CTXN3: variants seen among roughly 807,000 people sequenced by gnomAD.
CTXN3 encodes the protein cortexin 3.
Under a neutral mutation model 5.0 loss-of-function variants are expected in CTXN3, and 4 were observed. That is an observed-to-expected ratio of 0.79 (90% CI 0.39 to 1.82). The LOEUF is 1.82. CTXN3 is among the 40% of genes most tolerant of loss of function. The pLI is 0.04. For missense variants in CTXN3, 89 were observed against 99.7 expected (o/e 0.89, Z 0.46); for synonymous variants, 48 against 38.6 (o/e 1.24, Z -0.91).
At chr5:127,655,222 C>T (rs550902731) in intron 2 of CTXN3, among the ~76,000 whole-genome samples, 2 of 152,262 alleles carry the variant, frequency 1.3e-5, no homozygotes, top group African/African-American at 4.8e-5. Flanking sequence ...GAGATCGCAC[C>T]ATTGCACTCC....
intron 1 of CTXN3, chr5:127,651,907 G>T (rs1310072324): frequency 6.6e-6 from 1 of 151,998 alleles, no homozygotes; most frequent in Non-Finnish European, 1.5e-5. Context: ...CTGTGAAATT[G>T]TATAATGAGA....
chr5:127,650,359 CT>C (rs1157877516), intron 1 of CTXN3, among the ~76,000 whole-genome samples: 22 of 152,266 alleles, frequency 1.4e-4, no homozygotes, highest in African/African-American at 5.3e-4. Context: ...TGTTCGTAGG[CT>C]TTCTAGTAGA....
rs1483269324 is a variant in CTXN3 at position 127,649,353 on chromosome 5, A to G, written c.-242A>G. On this transcript the variant is annotated 5_prime_UTR_variant, in exon 1 of 3. Transcript: ENST00000379445. ...TGTAACTACCTGTAACTGTTCCACC[A>G]GGAAATGGATCAAGTGTTTGTTCAG... is the stretch of plus-strand genomic sequence containing the variant. 5 of 152,222 alleles carry G rather than the reference A, an allele frequency of 3.3e-5. No individual in the cohort carries two copies. The East Asian group carries it at 9.6e-4, about 29-fold the overall frequency. 9.4% of individuals were successfully genotyped at this position (152,222 alleles called of 1,614,324 possible).
In CTXN3 at chr5:127,657,480, A is replaced by C. The variant is rs200535255; in HGVS notation, c.-42A>C. On this transcript the variant is annotated 5_prime_UTR_variant, in exon 3 of 3. Transcript: ENST00000379445. Reference sequence around the variant, plus strand: ...GACCTCCGCAGATTGATGATGGAAGAAAAGAAAACCAGGATATCCTGTGCT... The same window carrying C: ...GACCTCCGCAGATTGATGATGGAAGCAAAGAAAACCAGGATATCCTGTGCT... 9.3e-6 allele frequency: 15 copies of C among 1,607,444 alleles called. No individual in the cohort carries two copies. The highest frequency in any genetic ancestry group is 5.5e-5 in the South Asian group (5 of 90,692).
At chr5:127,650,055 C>T (rs1749752214) in intron 1 of CTXN3, among the ~76,000 whole-genome samples, 1 of 151,996 alleles carries the variant, frequency 6.6e-6, no homozygotes, top group Non-Finnish European at 1.5e-5. Context: ...GCCCTGCAGT[C>T]CCTTAAAAAT....
At chr5:127,651,980 G>A (rs1749795691) in intron 1 of CTXN3, among the ~76,000 whole-genome samples, 1 of 152,144 alleles carries the variant, frequency 6.6e-6, no homozygotes, top group Non-Finnish European at 1.5e-5. Context: ...GACATTAATA[G>A]TTTTTGTGTA....
rs1281213903 is a variant in CTXN3, at chr5:127,657,893, T to C, written c.*126T>C. 8.6e-7 allele frequency: 1 copy of C among 1,159,818 alleles called. No individual in the cohort carries two copies. The highest frequency in any genetic ancestry group is 2.5e-5 in the East Asian group (1 of 39,532). 71.8% of individuals were successfully genotyped at this position (1,159,818 alleles called of 1,614,324 possible). A position where few individuals can be genotyped will look rare whatever the true frequency, so the allele number is the denominator to read the frequency against. ...ATTTGGTCCCAGGACCATAATCCAT[T>C]ATTCCATAAATATGCAGTTGGGTTA... On this transcript the variant is annotated 3_prime_UTR_variant, in exon 3 of 3. Coordinates refer to ENST00000379445, the MANE Select transcript of CTXN3 (RefSeq NM_001048252.3).
At chr5:127,656,765 A>G (rs1325218679) in intron 2 of CTXN3, among the ~76,000 whole-genome samples, 1 of 152,058 alleles carries the variant, frequency 6.6e-6, no homozygotes, top group African/African-American at 2.4e-5. Flanking sequence ...ACAGCTCTTC[A>G]TCCTTATTAC....
At chr5:127,651,856 C>T (rs1490095548) in intron 1 of CTXN3, 1 of 151,856 alleles carries the variant, frequency 6.6e-6, no homozygotes, top group Non-Finnish European at 1.5e-5. Flanking sequence ...CATGTCATTG[C>T]TTTAAGATAC....
chr5:127,655,195 G>A (rs551067225), intron 2 of CTXN3, among the ~76,000 whole-genome samples: 84 of 152,210 alleles, frequency 5.5e-4, no homozygotes, highest in African/African-American at 1.7e-3. Flanking sequence ...CCTGGGAGGC[G>A]GAGGTTGTGG....
Position 127,657,519 on chromosome 5 carries a change from A to G in CTXN3, c.-3A>G, listed in dbSNP as rs760931328. Reference sequence around the variant, plus strand: ...ATATCCTGTGCTCTGGCTTCCCTGGACCATGGATGGAGGACAGCCCATCCC... The same window carrying G: ...ATATCCTGTGCTCTGGCTTCCCTGGGCCATGGATGGAGGACAGCCCATCCC... On this transcript the variant is annotated 5_prime_UTR_variant, in exon 3 of 3. Transcript: ENST00000379445. 3 of 1,613,934 alleles carry G rather than the reference A, an allele frequency of 1.9e-6. No homozygotes were observed. The highest frequency in any genetic ancestry group is 2.5e-6 in the Non-Finnish European group (3 of 1,179,942).
chr5:127,654,407 A>G (rs941325031), intron 2 of CTXN3, among the ~76,000 whole-genome samples: 1 of 152,238 alleles, frequency 6.6e-6, no homozygotes, highest in Non-Finnish European at 1.5e-5. Context: ...TCAGTAGAGG[A>G]TGGTAAAACT....
chr5:127,655,601 G>T (rs1749889976), intron 2 of CTXN3, among the ~76,000 whole-genome samples: 1 of 152,204 alleles, frequency 6.6e-6, no homozygotes. Flanking sequence ...GTGCTGAGGA[G>T]ACCTGCATTG....
intron 2 of CTXN3, among the ~76,000 whole-genome samples, chr5:127,657,131 G>A (rs1749927201): frequency 6.6e-6 from 1 of 152,188 alleles, no homozygotes; most frequent in South Asian, 2.1e-4. Context: ...CAGATGTCAA[G>A]TTGACAGTAC....
At chr5:127,657,050 A>G (rs1036284002) in intron 2 of CTXN3, among the ~76,000 whole-genome samples, 2 of 152,228 alleles carry the variant, frequency 1.3e-5, no homozygotes, top group Non-Finnish European at 2.9e-5. Context: ...CAATGGCGCT[A>G]TCGTAAGAAC....
chr5:127,656,673 T>C (rs1183120142), intron 2 of CTXN3, among the ~76,000 whole-genome samples: 1 of 152,240 alleles, frequency 6.6e-6, no homozygotes, highest in Non-Finnish European at 1.5e-5. Flanking sequence ...AGAAGCAGCA[T>C]AGCTCCCTTA....
intron 2 of CTXN3, among the ~76,000 whole-genome samples, chr5:127,654,518 G>A (rs1046468202): frequency 6.6e-6 from 1 of 152,182 alleles, no homozygotes; most frequent in African/African-American, 2.4e-5. Flanking sequence ...AGGCAGATAT[G>A]GCAGATAATC....
chr5:127,652,382 G>T (rs1271292983), intron 1 of CTXN3: 2 of 152,150 alleles, frequency 1.3e-5, no homozygotes, highest in African/African-American at 2.4e-5. Flanking sequence ...TTGAAGATTT[G>T]ATTTAACTTA....
chr5:127,657,255 T>G (rs1327089766), intron 2 of CTXN3, among the ~76,000 whole-genome samples, 168 bp from the exon 3 acceptor site: 1 of 152,170 alleles, frequency 6.6e-6, no homozygotes, highest in Non-Finnish European at 1.5e-5. Context: ...GGTAATTTCA[T>G]GCAAGAGTAA....
Sources: allele counts gnomAD v4.1 joint callset (sites outside exome capture counted in the v4.1 genomes callset), GRCh38; gene constraint gnomAD v4.1.1; transcripts MANE v1.5; gene names NCBI Gene and HGNC (gene_info 2026-07-23, HGNC 2026-07-21).